EYS: variants seen among roughly 807,000 people sequenced by gnomAD.
EYS encodes EGF-like photoreceptor maintenance factor.
In EYS, 250 loss-of-function variants were observed where a neutral mutation model predicts 282.1. The observed-to-expected ratio is 0.89, with a 90% CI of 0.80 to 0.98. The LOEUF (loss-of-function observed/expected upper bound fraction) is 0.98. Ranked by LOEUF, EYS falls within the 50% of genes least tolerant of loss-of-function variation. EYS has a pLI of 0.00. For synonymous variants in EYS, 1,355 were observed against 1,282.9 expected (o/e 1.06, Z -1.20); for missense variants, 4,016 against 3,709.0 (o/e 1.08, Z -2.15).
rs1445615213 is a variant in EYS, at chr6:64,406,819, G to A, written c.5928-17979C>T. 2.6e-5 allele frequency among the ~76,000 whole-genome samples: 4 copies of A among 152,208 alleles called. No individual in the cohort carries two copies. The East Asian group carries it at 5.8e-4, about 22-fold the overall frequency. ...TCAGGAAACAACAGATGTTGGAGAG[G>A]ATGTGGAGAAATAGGAATGCTTTTA... On this transcript the variant is annotated intron_variant, in intron 28 of 42. Coordinates refer to ENST00000503581, the MANE Select transcript of EYS (RefSeq NM_001142800.2).
At chr6:65,677,476 A>C (rs1038710241) in intron 1 of EYS, among the ~76,000 whole-genome samples, 8 of 151,964 alleles carry the variant, frequency 5.3e-5, no homozygotes, top group African/African-American at 1.9e-4. Flanking sequence ...AATGACATCA[A>C]AAAGAAGAAA....
chr6:65,352,170 T>A (rs1463566946), intron 9 of EYS, among the ~76,000 whole-genome samples: 1 of 151,874 alleles, frequency 6.6e-6, no homozygotes, highest in African/African-American at 2.4e-5. Context: ...TATACTATTT[T>A]ATGAGCATGG....
At chr6:65,414,525 C>T (rs1767154287) in intron 5 of EYS, among the ~76,000 whole-genome samples, 2 of 151,538 alleles carry the variant, frequency 1.3e-5, no homozygotes, top group Non-Finnish European at 1.5e-5. Context: ...AAAGTACAGT[C>T]ATCTACATTT....
intron 22 of EYS, among the ~76,000 whole-genome samples, chr6:64,785,675 C>G (rs926313330): frequency 3.9e-5 from 6 of 152,120 alleles, no homozygotes; most frequent in Non-Finnish European, 5.9e-5. Flanking sequence ...AGTATCATAA[C>G]CTGATAGCTA....
chr6:65,060,812 A>G (rs1320224534), intron 12 of EYS, among the ~76,000 whole-genome samples: 1 of 149,994 alleles, frequency 6.7e-6, no homozygotes, highest in Admixed American at 6.7e-5. Flanking sequence ...ACACACACAT[A>G]CATATATATG....
At chr6:65,186,671 A>G (rs1488344743) in intron 12 of EYS, among the ~76,000 whole-genome samples, 2 of 151,818 alleles carry the variant, frequency 1.3e-5, no homozygotes, top group Non-Finnish European at 2.9e-5. Flanking sequence ...TCTACTTTAA[A>G]ACATTACAAT....
intron 13 of EYS, among the ~76,000 whole-genome samples, chr6:65,025,651 T>C (rs751347369): frequency 6.6e-6 from 1 of 151,976 alleles, no homozygotes; most frequent in Non-Finnish European, 1.5e-5. Flanking sequence ...GAGGGAGAGG[T>C]TGCAGTGAGC....
intron 31 of EYS, among the ~76,000 whole-genome samples, chr6:64,088,102 A>G (rs558333273): frequency 1.1e-4 from 17 of 152,074 alleles, no homozygotes; most frequent in Non-Finnish European, 2.4e-4. Context: ...CTTTCTAACC[A>G]TATTAATTTT....
chr6:65,144,005 T>C (rs753821331), intron 12 of EYS, among the ~76,000 whole-genome samples: 9 of 152,106 alleles, frequency 5.9e-5, no homozygotes, highest in Non-Finnish European at 1.2e-4. Context: ...ATGTCCATAT[T>C]GCCCAGTTAA....
chr6:64,583,245 T>C (rs959387663), intron 26 of EYS, among the ~76,000 whole-genome samples: 1 of 152,044 alleles, frequency 6.6e-6, no homozygotes, highest in African/African-American at 2.4e-5. Context: ...TTTGTTGGTT[T>C]ATAAAATGTA....
chr6:65,297,818 G>C (rs1393810792), intron 11 of EYS, among the ~76,000 whole-genome samples: 1 of 151,970 alleles, frequency 6.6e-6, no homozygotes, highest in African/African-American at 2.4e-5. Flanking sequence ...AAAAAACCTA[G>C]GTAAATTCAA....
chr6:64,010,497 T>C (rs2149811263), intron 33 of EYS, among the ~76,000 whole-genome samples: 1 of 152,302 alleles, frequency 6.6e-6, no homozygotes, highest in South Asian at 2.1e-4. Context: ...TTCTAGTGTT[T>C]TAAAAATACT....
intron 39 of EYS, 90 bp downstream of exon 39, chr6:63,788,015 T>G: frequency 2.0e-6 from 2 of 979,454 alleles, no homozygotes; most frequent in Non-Finnish European, 2.9e-6. Context: ...ATATAGCTGG[T>G]TTGGGAAATA....
chr6:64,702,806 T>G (rs1770836987), intron 22 of EYS, among the ~76,000 whole-genome samples: 2 of 152,142 alleles, frequency 1.3e-5, no homozygotes, highest in South Asian at 4.1e-4. Flanking sequence ...AACCATAAGT[T>G]TAAGCATTTC....
At chr6:63,985,910 C>A (rs573650359) in intron 34 of EYS, among the ~76,000 whole-genome samples, 2 of 151,844 alleles carry the variant, frequency 1.3e-5, no homozygotes, top group East Asian at 3.9e-4. Context: ...GCAACAAAAG[C>A]CAAAATTGAC....
intron 12 of EYS, among the ~76,000 whole-genome samples, chr6:65,060,770 G>T (rs1287927019): frequency 7.7e-6 from 1 of 129,474 alleles, no homozygotes; most frequent in East Asian, 2.0e-4. Context: ...ATATACATGT[G>T]TATATATATG....
chr6:65,243,449 T>A (rs1169328451), intron 12 of EYS, among the ~76,000 whole-genome samples: 1 of 152,198 alleles, frequency 6.6e-6, no homozygotes, highest in Non-Finnish European at 1.5e-5. Flanking sequence ...TTGGAGCTTC[T>A]GAGCTTTTGT....
chr6:65,574,324 T>TA (rs1300851945), intron 2 of EYS, among the ~76,000 whole-genome samples: 1 of 152,028 alleles, frequency 6.6e-6, no homozygotes, highest in Non-Finnish European at 1.5e-5. Context: ...AGACACGATA[T>TA]AATCAAACTG....
At chr6:64,516,167 G>A (rs886557600) in intron 26 of EYS, among the ~76,000 whole-genome samples, 1 of 150,996 alleles carries the variant, frequency 6.6e-6, no homozygotes, top group African/African-American at 2.4e-5. Flanking sequence ...TTTTTTGGAG[G>A]GTGGAAGGTG....
Sources: allele counts gnomAD v4.1 joint callset (sites outside exome capture counted in the v4.1 genomes callset), GRCh38; gene constraint gnomAD v4.1.1; transcripts MANE v1.5; gene names NCBI Gene and HGNC (gene_info 2026-07-23, HGNC 2026-07-21).